The following ASIC2 variants were observed in gnomAD, a reference collection of about 807,000 sequenced individuals.
ASIC2 encodes the protein acid sensing ion channel subunit 2, also known as acid-sensing ion channel 2.
ASIC2 carries 25 observed loss-of-function variants against 57.3 expected under a neutral mutation model. The observed-to-expected ratio is 0.44, with a 90% CI of 0.32 to 0.61. The LOEUF is 0.61. Ranked by LOEUF, ASIC2 falls within the 20% of genes least tolerant of loss-of-function variation. The probability of loss-of-function intolerance (pLI) is 0.06; values close to 1 mark genes in which losing one functional copy is unlikely to be tolerated. For missense variants in ASIC2, 641 were observed against 738.1 expected (o/e 0.87, Z 1.52); for synonymous variants, 319 against 307.5 (o/e 1.04, Z -0.39).
At chr17:34,124,666 A>C (rs985092069) in intron 1 of ASIC2, among the ~76,000 whole-genome samples, 2 of 152,208 alleles carry the variant, frequency 1.3e-5, no homozygotes, top group Non-Finnish European at 2.9e-5. Context: ...TGGAAGTCCA[A>C]GATCAGGATG....
At chr17:33,969,433 G>C (rs565457574) in intron 1 of ASIC2, among the ~76,000 whole-genome samples, 8 of 152,292 alleles carry the variant, frequency 5.3e-5, no homozygotes, top group African/African-American at 1.9e-4. Context: ...GCTTCTCTTG[G>C]GCTGGGCTGT....
At chr17:34,045,930 C>G (rs1908320523) in intron 1 of ASIC2, among the ~76,000 whole-genome samples, 2 of 152,192 alleles carry the variant, frequency 1.3e-5, no homozygotes, top group African/African-American at 4.8e-5. Flanking sequence ...GGTAGTATCA[C>G]CATGCCAGTT....
At chr17:34,094,323 G>T (rs1910441505) in intron 1 of ASIC2, among the ~76,000 whole-genome samples, 1 of 152,166 alleles carries the variant, frequency 6.6e-6, no homozygotes, top group Non-Finnish European at 1.5e-5. Context: ...GTCCACTACA[G>T]CCCATGACTA....
chr17:33,028,128 T>A (rs2091866467), intron 4 of ASIC2, 114 bp downstream of exon 4: 9 of 1,399,306 alleles, frequency 6.4e-6, no homozygotes, highest in Non-Finnish European at 8.7e-6. Context: ...TCCCAGAACA[T>A]CATCCTTTTG....
intron 1 of ASIC2, among the ~76,000 whole-genome samples, chr17:33,531,197 T>C (rs954593925): frequency 3.3e-5 from 5 of 151,998 alleles, no homozygotes; most frequent in Non-Finnish European, 7.4e-5. Context: ...AGGCAAACGT[T>C]CCAGAAAGGC....
intron 1 of ASIC2, among the ~76,000 whole-genome samples, chr17:33,863,648 T>A (rs1405506675): frequency 6.6e-6 from 1 of 152,240 alleles, no homozygotes; most frequent in South Asian, 2.1e-4. Flanking sequence ...ACCATCTTTT[T>A]AAATTATCCT....
intron 1 of ASIC2, among the ~76,000 whole-genome samples, chr17:33,679,184 C>T (rs1231431659): frequency 3.9e-5 from 6 of 152,164 alleles, no homozygotes; most frequent in Admixed American, 1.3e-4. Flanking sequence ...GTTACAGTTA[C>T]ATATGAGCTT....
intron 1 of ASIC2, among the ~76,000 whole-genome samples, chr17:33,127,370 A>G (rs7207422): frequency 0.25 from 38,100 of 152,094 alleles, 4,770 homozygotes; most frequent in East Asian, 0.4. Flanking sequence ...CAGCAATGGA[A>G]CAATACCTAA....
At chr17:33,350,816 G>A (rs1323666020) in intron 1 of ASIC2, among the ~76,000 whole-genome samples, 2 of 151,734 alleles carry the variant, frequency 1.3e-5, no homozygotes, top group East Asian at 3.9e-4. Context: ...TTAGTTTCTT[G>A]TTGCAAAAAA....
intron 1 of ASIC2, among the ~76,000 whole-genome samples, chr17:33,473,641 C>T (rs187136127): frequency 1.3e-5 from 2 of 152,298 alleles, no homozygotes; most frequent in Non-Finnish European, 1.5e-5. Flanking sequence ...CTGAATCTCT[C>T]TGAAACTCTG....
intron 1 of ASIC2, among the ~76,000 whole-genome samples, chr17:33,665,611 T>C (rs1410537677): frequency 6.6e-6 from 1 of 152,214 alleles, no homozygotes; most frequent in Non-Finnish European, 1.5e-5. Context: ...TAGAAAATCA[T>C]CTTTTGTTGC....
intron 1 of ASIC2, among the ~76,000 whole-genome samples, chr17:33,326,862 A>G (rs1382344218): frequency 6.6e-6 from 1 of 152,082 alleles, no homozygotes; most frequent in Non-Finnish European, 1.5e-5. Context: ...CACACCCACA[A>G]CACTGCTCAG....
intron 1 of ASIC2, among the ~76,000 whole-genome samples, chr17:33,795,023 G>T (rs1911875974): frequency 6.6e-6 from 1 of 152,166 alleles, no homozygotes; most frequent in Admixed American, 6.6e-5. Context: ...ATTCAAGTCT[G>T]CATTTATTAG....
intron 1 of ASIC2, among the ~76,000 whole-genome samples, chr17:33,427,261 C>A (rs921789301): frequency 6.6e-6 from 1 of 152,134 alleles, no homozygotes; most frequent in African/African-American, 2.4e-5. Flanking sequence ...AAACAACAAC[C>A]AAGCTTCAAA....
intron 1 of ASIC2, among the ~76,000 whole-genome samples, chr17:33,804,885 CTCT>C (rs1189276858): frequency 6.7e-6 from 1 of 150,002 alleles, no homozygotes; most frequent in Admixed American, 6.6e-5. Context: ...TTTTTGATCT[CTCT>C]TTTTTTTTTT....
At position 33,739,274 on chromosome 17, in the gene ASIC2, G is replaced by A. The variant is rs117113827; in HGVS notation, c.555+416704C>T. 8.2e-3 allele frequency among the ~76,000 whole-genome samples: 1,243 copies of A among 152,248 alleles called. 7 individuals are homozygous for A. Among genetic ancestry groups the A allele is most frequent in the Non-Finnish European group, 0.014 (986 of 68,008 alleles). On this transcript the variant is annotated intron_variant, in intron 1 of 9. Coordinates refer to the ASIC2 transcript ENST00000359872. ...TGCCTATTCCCAAAGTGATCCATGG[G>A]TCAAACCAAAAAGAGGGGATTTGAG...
intron 1 of ASIC2, among the ~76,000 whole-genome samples, chr17:33,251,254 G>A (rs568462598): frequency 2.6e-5 from 4 of 152,212 alleles, no homozygotes; most frequent in Non-Finnish European, 4.4e-5. Flanking sequence ...TAAGACACAT[G>A]TTGTTGTTCA....
At chr17:33,298,213 C>T (rs369420213), upstream of ASIC2, among the ~76,000 whole-genome samples, 3 of 151,722 alleles carry the variant, frequency 2.0e-5, no homozygotes, top group East Asian at 1.9e-4. Context: ...TGTGCTGCAC[C>T]CATTAACTTG....
rs141508732 is a variant in ASIC2 at position 33,809,230 on chromosome 17, T to C, written c.555+346748A>G. Among the ~76,000 whole-genome samples the C allele has an allele frequency of 2.9e-3, 439 of 152,336 alleles. 5 individuals carry two copies. Among genetic ancestry groups the C allele is most frequent in the African/African-American group, 0.01 (424 of 41,592 alleles). ...CTGCCTCTAGGCCCAGTGTTGACTA[T>C]TGAAGGTCACTGGGGCCTTCATCTC... On this transcript the variant is annotated intron_variant, in intron 1 of 9. Coordinates refer to the ASIC2 transcript ENST00000359872.
Sources: gnomAD v4.1 joint callset for allele counts (sites outside exome capture counted in the v4.1 genomes callset) on GRCh38, gnomAD v4.1.1 for gene constraint, MANE v1.5 for transcripts, NCBI Gene and HGNC (gene_info 2026-07-23, HGNC 2026-07-21) for gene names.